The following ZYG11A variants were observed in gnomAD, a reference collection of about 807,000 sequenced individuals.
ZYG11A encodes the protein zyg-11 family member A, cell cycle regulator.
A neutral mutation model predicts 77.2 loss-of-function variants in ZYG11A; 62 were observed. The ratio of observed to expected loss-of-function variants is 0.80; its 90% CI spans 0.65 to 0.99. The LOEUF is 0.99. ZYG11A is among the 50% of genes least tolerant of loss of function. ZYG11A has a pLI of 0.00. For synonymous variants in ZYG11A, 315 were observed against 324.6 expected (o/e 0.97, Z 0.32); for missense variants, 828 against 896.8 (o/e 0.92, Z 0.98).
At chr1:52,871,231 TC>T (rs891248098) in intron 8 of ZYG11A, among the ~76,000 whole-genome samples, 47 of 152,302 alleles carry the variant, frequency 3.1e-4, no homozygotes, top group African/African-American at 9.9e-4. Flanking sequence ...AGCTTCATCT[TC>T]CTGGGCTCAA....
intron 5 of ZYG11A, among the ~76,000 whole-genome samples, chr1:52,866,198 A>G (rs61292940): frequency 0.058 from 8,802 of 152,144 alleles, 422 homozygotes; most frequent in African/African-American, 0.13. Context: ...CTGCCTCCCA[A>G]AGTGCTGGGA....
chr1:52,863,168 A>G lies in ZYG11A; in HGVS notation c.1150-813A>G, dbSNP rs1571852881. On this transcript the variant is annotated intron_variant, in intron 4 of 13. Transcript: ENST00000371528. ...AAAAGTCATTTTCCATAGCAGAAGTATATCCCAGGTCTGTCTCTAGTAGAG... is the reference window on the plus strand; with the variant it reads ...AAAAGTCATTTTCCATAGCAGAAGTGTATCCCAGGTCTGTCTCTAGTAGAG... Among the ~76,000 whole-genome samples the G allele has an allele frequency of 2.6e-5, 4 of 152,338 alleles. No individual in the cohort carries two copies. In the East Asian group the frequency reaches 7.7e-4, roughly 29 times the overall value.
intron 1 of ZYG11A, among the ~76,000 whole-genome samples, chr1:52,847,765 G>C (rs1303318342): frequency 2.7e-5 from 4 of 150,768 alleles, no homozygotes; most frequent in African/African-American, 9.8e-5. Context: ...TGCCTCCTGG[G>C]TTCAGGTAAT....
intron 5 of ZYG11A, among the ~76,000 whole-genome samples, chr1:52,866,267 G>A (rs1213544396): frequency 2.6e-5 from 4 of 152,050 alleles, no homozygotes; most frequent in Non-Finnish European, 4.4e-5. Flanking sequence ...AATACAGTTA[G>A]GAAGGTGGTT....
At chr1:52,886,870 A>G (rs1384990268) in intron 12 of ZYG11A, 86 bp from the exon 13 acceptor site, 1 of 464,334 alleles carries the variant, frequency 2.2e-6, no homozygotes, top group Non-Finnish European at 3.7e-6. Flanking sequence ...ACATTATTAT[A>G]TTAATTATAT....
rs1467288631 is a variant in ZYG11A at position 52,864,037 on chromosome 1, C to T, written c.1206C>T (p.Ala402=). ...HPLDLRVQFT[A]SACALNLTRQ... is the part of the protein sequence containing the mutation. ...TGGATTTGCGAGTGCAGTTCACAGC[C>T]AGTGCTTGCGCTCTCAACCTAACAC... Residue 402 remains alanine (A), a synonymous_variant, in exon 5 of 14, where the codon GCC becomes GCT. Coordinates refer to ENST00000371528, the MANE Select transcript of ZYG11A (RefSeq NM_001004339.3). The T allele has an allele frequency of 6.4e-7, 1 of 1,551,776 alleles. No individual in the cohort carries two copies. The highest frequency in any genetic ancestry group is 1.2e-5 in the South Asian group (1 of 84,056).
intron 8 of ZYG11A, among the ~76,000 whole-genome samples, chr1:52,869,964 AC>A (rs544972436): frequency 0.027 from 1,360 of 50,874 alleles, 38 homozygotes; most frequent in Non-Finnish European, 0.042. Flanking sequence ...CGGGGGGCTG[AC>A]CCCCCCCCAC....
intron 1 of ZYG11A, among the ~76,000 whole-genome samples, chr1:52,851,907 C>T (rs1250673275): frequency 6.8e-6 from 1 of 147,684 alleles, no homozygotes; most frequent in Non-Finnish European, 1.5e-5. Flanking sequence ...GCCACCATGC[C>T]TTCCTAATTT....
chr1:52,845,479 G>C (rs1157826339), intron 1 of ZYG11A, among the ~76,000 whole-genome samples: 1 of 151,376 alleles, frequency 6.6e-6, no homozygotes, highest in Non-Finnish European at 1.5e-5. Flanking sequence ...GCTAATTTTT[G>C]TATTTTTGTA....
Position 52,877,938 on chromosome 1 carries a change from C to G in ZYG11A, c.1718C>G (p.Ser573Ter), listed in dbSNP as rs1481287404. The G allele has an allele frequency of 6.4e-7, 1 of 1,551,552 alleles. No homozygotes were observed. Among genetic ancestry groups the G allele is most frequent in the Admixed American group, 2.0e-5 (1 of 50,986 alleles). The change falls in exon 10 of 14, where the codon TCA becomes TGA. Residue 573 changes from serine (S) to a stop codon, truncating the protein, a stop_gained. Transcript: ENST00000371528. LOFTEE classifies it high-confidence loss of function. ...FIQVLETFSE[S>*]AIQSKVLGLL... ...TTTTTTTGACAGACCTTTTCAGAGT[C>G]AGCAATACAAAGCAAAGTACTTGGT...
intron 8 of ZYG11A, among the ~76,000 whole-genome samples, chr1:52,877,066 T>C (rs567328002): frequency 4.6e-5 from 7 of 152,264 alleles, no homozygotes; most frequent in African/African-American, 1.7e-4. Flanking sequence ...GCTCAGTGGC[T>C]TAGAGCAGCA....
intron 13 of ZYG11A, among the ~76,000 whole-genome samples, chr1:52,888,793 C>G (rs1267777677): frequency 1.3e-5 from 2 of 152,208 alleles, no homozygotes; most frequent in Non-Finnish European, 2.9e-5. Flanking sequence ...TGCCTACTTC[C>G]AGCCTGGGGA....
chr1:52,877,446 A>G (rs1646281246), intron 8 of ZYG11A, among the ~76,000 whole-genome samples: 4 of 152,176 alleles, frequency 2.6e-5, no homozygotes, highest in Admixed American at 1.3e-4. Flanking sequence ...ATGACCATAT[A>G]CCAAGAACTG....
intron 10 of ZYG11A, among the ~76,000 whole-genome samples, chr1:52,880,054 G>A (rs571817831): frequency 2.7e-4 from 38 of 142,030 alleles, no homozygotes; most frequent in African/African-American, 9.3e-4. Flanking sequence ...ATGAGCTACC[G>A]CACCCAGCCC....
At chr1:52,870,836 CAGAGGGAGACAGTAGAAAGAGAGGG>C (rs1435403146) in intron 8 of ZYG11A, among the ~76,000 whole-genome samples, 1 of 147,910 alleles carries the variant, frequency 6.8e-6, no homozygotes, top group Non-Finnish European at 1.5e-5. Context: ...GGCTCGGCAT[CAGAGGGAGACAGTAGAAAGAGAGGG>C]AGAGGGAGAC....
chr1:52,869,973 C>T, intron 8 of ZYG11A, among the ~76,000 whole-genome samples: 1 of 149,562 alleles, frequency 6.7e-6, no homozygotes, highest in Non-Finnish European at 1.5e-5. Flanking sequence ...GACCCCCCCC[C>T]ACCCCCCTCC....
intron 10 of ZYG11A, 38 bp from the exon 11 acceptor site, chr1:52,881,433 T>G: frequency 2.8e-6 from 4 of 1,441,046 alleles, no homozygotes; most frequent in Non-Finnish European, 3.7e-6. Context: ...TCCCCTCCCT[T>G]CTTGTCTCTG....
intron 13 of ZYG11A, among the ~76,000 whole-genome samples, chr1:52,888,373 C>G (rs900307012): frequency 2.6e-5 from 4 of 152,052 alleles, no homozygotes; most frequent in African/African-American, 9.7e-5. Context: ...TTGTTTTTTT[C>G]TGAGACGGAG....
At chr1:52,878,035 C>G (rs1349733975) in intron 10 of ZYG11A, 66 bp downstream of exon 10, 74 of 1,254,184 alleles carry the variant, frequency 5.9e-5, no homozygotes, top group Admixed American at 8.1e-5. Context: ...TATATAGTAC[C>G]TACTATATGC....
Sources: allele counts gnomAD v4.1 joint callset (sites outside exome capture counted in the v4.1 genomes callset), GRCh38; gene constraint gnomAD v4.1.1; transcripts MANE v1.5; gene names NCBI Gene and HGNC (gene_info 2026-07-23, HGNC 2026-07-21).